The following CELSR1 variants were observed in gnomAD, a reference collection of about 807,000 sequenced individuals.
CELSR1 encodes adhesion G protein-coupled receptor C1.
A neutral mutation model predicts 249.1 loss-of-function variants in CELSR1; 110 were observed. The ratio of observed to expected loss-of-function variants is 0.44; its 90% CI spans 0.38 to 0.52. CELSR1 has a LOEUF of 0.52. CELSR1 is among the 20% of genes least tolerant of loss of function. The probability of loss-of-function intolerance (pLI) is 0.00; values close to 1 mark genes in which losing one functional copy is unlikely to be tolerated. For missense variants in CELSR1, 4,109 were observed against 4,296.4 expected (o/e 0.96, Z 1.22); for synonymous variants, 2,113 against 1,900.0 (o/e 1.11, Z -2.92).
In CELSR1 at chr22:46,398,301, G is replaced by A. The variant is rs2079173116; in HGVS notation, c.5526+223C>T. ...GGGGCAGGTGGCTGGCATGGCGGTG[G>A]GGAGCTGTGGGGGCCAGGGACGGCC... is the stretch of plus-strand genomic sequence containing the variant. On this transcript the variant is annotated intron_variant, in intron 11 of 34. Coordinates refer to ENST00000674500, the MANE Select transcript of CELSR1 (RefSeq NM_001378328.1). The surrounding 1 kb of genome is among the most constrained non-coding windows in gnomAD (Gnocchi z 7.2). Among the ~76,000 whole-genome samples the A allele has an allele frequency of 6.6e-6, 1 of 152,156 alleles. No individual in the cohort carries two copies. Among genetic ancestry groups the A allele is most frequent in the Admixed American group, 6.5e-5 (1 of 15,280 alleles).
chr22:46,382,662 G>A (rs1196570888), intron 20 of CELSR1, among the ~76,000 whole-genome samples: 1 of 152,150 alleles, frequency 6.6e-6, no homozygotes, highest in Non-Finnish European at 1.5e-5. Flanking sequence ...TGGGTCAACA[G>A]GTGAGTGGAT....
chr22:46,443,486 C>A (rs1288167322), intron 2 of CELSR1, among the ~76,000 whole-genome samples: 1 of 152,230 alleles, frequency 6.6e-6, no homozygotes, highest in East Asian at 1.9e-4. Context: ...GGCTAACCCC[C>A]CTACCACTCC....
Position 46,396,763 on chromosome 22 carries a change from A to C in CELSR1, c.5702-17T>G. ...CAAGGTACCCTGCAAGGACAGAGCCAGCATTACCTCCACCCACAATCCACG... is the reference window on the plus strand; with the variant it reads ...CAAGGTACCCTGCAAGGACAGAGCCCGCATTACCTCCACCCACAATCCACG... On this transcript the variant is annotated splice_polypyrimidine_tract_variant and intron_variant, in intron 12 of 34. Coordinates refer to ENST00000674500, the MANE Select transcript of CELSR1 (RefSeq NM_001378328.1). This position sits in a 1 kb window ranked among gnomAD's most constrained non-coding sequence, Gnocchi z 6.4. 1 of 1,609,454 alleles carries C rather than the reference A, an allele frequency of 6.2e-7. No homozygotes were observed. The highest frequency in any genetic ancestry group is 8.5e-7 in the Non-Finnish European group (1 of 1,177,902).
Position 46,536,966 on chromosome 22 carries a change from G to T in CELSR1, c.205C>A (p.Arg69Ser). ...CGACGTCCTGCCAGCCGCCCATCGC[G>T]GCCCACGTCCAGCAGCTCCCGCGGC... ...RAPRELLDVG[R>S]DGRLAGRRRV... The change falls in exon 1 of 35, where the codon CGC becomes AGC. Residue 69 changes from arginine to serine, a missense_variant. By Grantham distance (110) the Arg-to-Ser change is moderately radical. This residue lies in a region of CELSR1 where 673 missense variants were observed against 636.8 expected (regional missense o/e 1.06). Transcript: ENST00000674500. The T allele has an allele frequency of 8.7e-7, 1 of 1,147,292 alleles. No individual in the cohort carries two copies. The allele number at this position is 1,147,292 out of a possible 1,614,324, so 71.1% of individuals were successfully genotyped here.
chr22:46,451,636 T>C (rs2079886303), intron 2 of CELSR1, among the ~76,000 whole-genome samples: 1 of 152,212 alleles, frequency 6.6e-6, no homozygotes, highest in South Asian at 2.1e-4. Context: ...ACACAGCCTT[T>C]CAGAAGAGGG....
At chr22:46,422,576 A>AT (rs1446778293) in intron 5 of CELSR1, among the ~76,000 whole-genome samples, 9 of 149,724 alleles carry the variant, frequency 6.0e-5, no homozygotes, top group African/African-American at 1.7e-4. Flanking sequence ...CTACTAAAAA[A>AT]AAATAATAAT....
chr22:46,463,962 C>G lies in CELSR1; in HGVS notation c.3928G>C (p.Glu1310Gln). The G allele has an allele frequency of 1.9e-6, 3 of 1,613,984 alleles. No individual in the cohort carries two copies. The highest frequency in any genetic ancestry group is 2.5e-6 in the Non-Finnish European group (3 of 1,180,032). ...LPFDDNICLR[E>Q]PCENYMKCVS... ...CACTTCATGTAGTTCTCGCAGGGCT[C>G]GCGCAGGCAGATGTTGTCGTCGAAG... Residue 1310 changes from glutamate to glutamine, a missense_variant, in exon 2 of 35, where the codon GAG (glutamate) becomes CAG (glutamine). Physicochemically the swap from Glu to Gln is conservative, Grantham distance 29. This residue lies in a region of CELSR1 where 141 missense variants were observed against 209.4 expected (regional missense o/e 0.67). Transcript: ENST00000674500.
chr22:46,439,438 G>C, intron 2 of CELSR1, 27 bp from the exon 3 acceptor site: 2 of 1,584,896 alleles, frequency 1.3e-6, no homozygotes, highest in Non-Finnish European at 1.7e-6. Context: ...AGATGCCAGA[G>C]AGGAGGTTAC....
intron 1 of CELSR1, among the ~76,000 whole-genome samples, chr22:46,509,630 C>G (rs1282691084): frequency 2.0e-5 from 3 of 152,148 alleles, no homozygotes; most frequent in African/African-American, 7.2e-5. Context: ...TCACAGAGGC[C>G]CTGAATATCA....
intron 1 of CELSR1, among the ~76,000 whole-genome samples, chr22:46,497,483 G>A (rs959401393): frequency 6.6e-6 from 1 of 152,178 alleles, no homozygotes; most frequent in African/African-American, 2.4e-5. Flanking sequence ...TCTGGTAGTA[G>A]CCAGAGGAGT....
intron 1 of CELSR1, among the ~76,000 whole-genome samples, chr22:46,483,852 C>T (rs1426314084): frequency 6.6e-6 from 1 of 152,148 alleles, no homozygotes; most frequent in African/African-American, 2.4e-5. Flanking sequence ...CCAACACTTT[C>T]AGGAGAGAAA....
intron 1 of CELSR1, among the ~76,000 whole-genome samples, chr22:46,465,216 C>T (rs187332091): frequency 0.01 from 1,554 of 152,200 alleles, 15 homozygotes; most frequent in Non-Finnish European, 0.017. Flanking sequence ...CCTCCAGGCC[C>T]GGGCTCAGAT....
Position 46,409,235 on chromosome 22 carries a change from G to GGGATGGGCCTGCA in CELSR1, c.5060-86_5060-74dup. The GGGATGGGCCTGCA allele has an allele frequency of 6.6e-7, 1 of 1,515,506 alleles. No homozygotes were observed. The highest frequency in any genetic ancestry group is 9.0e-7 in the Non-Finnish European group (1 of 1,106,194). The allele number at this position is 1,515,506 out of a possible 1,614,324, so 93.9% of individuals were successfully genotyped here. A position where few individuals can be genotyped will look rare whatever the true frequency, so the allele number is the denominator to read the frequency against. The stretch of plus-strand genomic sequence containing the variant: ...GCCGCGGACTTGGCTGCAGGGGCGG[G>GGGATGGGCCTGCA]GGATGGGCCTGCAGGCTAGGCCTGG... On this transcript the variant is annotated intron_variant, in intron 8 of 34. Transcript: ENST00000674500. This position sits in a 1 kb window ranked among gnomAD's most constrained non-coding sequence, Gnocchi z 9.8.
At chr22:46,519,951 A>G (rs555393158) in intron 1 of CELSR1, among the ~76,000 whole-genome samples, 101 of 149,048 alleles carry the variant, frequency 6.8e-4, no homozygotes, top group Non-Finnish European at 1.3e-3. Context: ...AGCTCACCGC[A>G]ACCTCTGCCT....
At chr22:46,379,904 G>A (rs933842880) in intron 22 of CELSR1, among the ~76,000 whole-genome samples, 7 of 152,094 alleles carry the variant, frequency 4.6e-5, no homozygotes, top group Admixed American at 1.3e-4. Context: ...CTCCCATCCC[G>A]GCAACAGGGC....
chr22:46,456,666 A>T (rs1478815819), intron 2 of CELSR1, among the ~76,000 whole-genome samples: 65 of 147,790 alleles, frequency 4.4e-4, no homozygotes, highest in African/African-American at 1.6e-3. Context: ...CTGTCTAAAA[A>T]AAAAAAAAAA....
At chr22:46,389,541 G>T in intron 17 of CELSR1, 42 bp from the exon 18 acceptor site, 1 of 1,596,382 alleles carries the variant, frequency 6.3e-7, no homozygotes, top group South Asian at 1.1e-5. Flanking sequence ...AACCCACTTC[G>T]GCCGCTTTCA....
rs943632565 is a variant in CELSR1 at position 46,448,686 on chromosome 22, A to G, written c.4184-9275T>C. ...CGATCAAAATGAAACACAAGAACAG[A>G]GAACAAGGAGTGAGTGGAAGGGCCC... is the stretch of plus-strand genomic sequence containing the variant. On this transcript the variant is annotated intron_variant, in intron 2 of 34. Coordinates refer to ENST00000674500, the MANE Select transcript of CELSR1 (RefSeq NM_001378328.1). This position sits in a 1 kb window ranked among gnomAD's most constrained non-coding sequence, Gnocchi z 5.7. 1 of 332,690 alleles carries G rather than the reference A, an allele frequency of 3.0e-6. No homozygotes were observed. The highest frequency in any genetic ancestry group is 2.2e-5 in the African/African-American group (1 of 45,858). The allele number at this position is 332,690 out of a possible 1,614,324, so 20.6% of individuals were successfully genotyped here. A position where few individuals can be genotyped will look rare whatever the true frequency, so the allele number is the denominator to read the frequency against.
At chr22:46,481,932 C>T (rs2080270681) in intron 1 of CELSR1, among the ~76,000 whole-genome samples, 1 of 152,152 alleles carries the variant, frequency 6.6e-6, no homozygotes, top group African/African-American at 2.4e-5. Flanking sequence ...GCCACCAAGC[C>T]TGGCTAATTT....
Sources: allele counts gnomAD v4.1 joint callset (sites outside exome capture counted in the v4.1 genomes callset), GRCh38; gene constraint gnomAD v4.1.1; regional missense constraint gnomAD v4.1.1; non-coding constraint Gnocchi (gnomAD v3.1); transcripts MANE v1.5; gene names NCBI Gene and HGNC (gene_info 2026-07-23, HGNC 2026-07-21).